The following ZFAND3 variants were observed in gnomAD, a reference collection of about 807,000 sequenced individuals.
ZFAND3 encodes AN1-type zinc finger protein 3.
A neutral mutation model predicts 29.6 loss-of-function variants in ZFAND3; 10 were observed. The ratio of observed to expected loss-of-function variants is 0.34; its 90% CI spans 0.21 to 0.57. The LOEUF (loss-of-function observed/expected upper bound fraction) is 0.57. Ranked by LOEUF, ZFAND3 falls within the 20% of genes least tolerant of loss-of-function variation. The probability of loss-of-function intolerance (pLI) is 0.86; values close to 1 mark genes in which losing one functional copy is unlikely to be tolerated. For missense variants in ZFAND3, 230 were observed against 304.5 expected, an observed-to-expected ratio of 0.76 and a Z score of 1.82; for synonymous variants, 128 against 112.6, an observed-to-expected ratio of 1.14 and a Z score of -0.87.
intron 1 of ZFAND3, among the ~76,000 whole-genome samples, chr6:37,888,629 A>T (rs1249206511): frequency 2.0e-5 from 3 of 152,140 alleles, no homozygotes; most frequent in African/African-American, 7.2e-5. Context: ...TCCAGATCAC[A>T]TTAGTTTATA....
intron 2 of ZFAND3, among the ~76,000 whole-genome samples, chr6:38,009,244 T>C (rs959611871): frequency 1.3e-5 from 2 of 152,198 alleles, no homozygotes; most frequent in Admixed American, 6.5e-5. Flanking sequence ...GTGTGTGATC[T>C]CTGATGCCAG....
At chr6:37,939,751 A>G (rs1405872832) in intron 2 of ZFAND3, among the ~76,000 whole-genome samples, 1 of 152,136 alleles carries the variant, frequency 6.6e-6, no homozygotes, top group Non-Finnish European at 1.5e-5. Context: ...AAAGTAGTAT[A>G]AGAGTTAAGG....
chr6:37,968,447 T>G (rs1033661269), intron 2 of ZFAND3, among the ~76,000 whole-genome samples: 10 of 151,040 alleles, frequency 6.6e-5, no homozygotes, highest in African/African-American at 2.4e-4. Flanking sequence ...TGACAGAGGA[T>G]CAGTAGGAAG....
chr6:37,919,606 G>T (rs1023792470), intron 1 of ZFAND3, among the ~76,000 whole-genome samples: 2 of 151,932 alleles, frequency 1.3e-5, no homozygotes, highest in Admixed American at 6.6e-5. Flanking sequence ...CAAGCCACAA[G>T]AATTCATTCA....
chr6:38,021,975 A>G (rs1763362655), intron 2 of ZFAND3, among the ~76,000 whole-genome samples: 1 of 152,228 alleles, frequency 6.6e-6, no homozygotes, highest in Non-Finnish European at 1.5e-5. Context: ...TTACAGTTTT[A>G]TTAGCACAAA....
At chr6:38,012,920 C>G (rs1028766922) in intron 2 of ZFAND3, among the ~76,000 whole-genome samples, 3 of 152,066 alleles carry the variant, frequency 2.0e-5, no homozygotes, top group African/African-American at 7.2e-5. Context: ...TATAAAACAT[C>G]TGGAGTAATC....
At chr6:38,082,142 G>GTT (rs771690113) in intron 3 of ZFAND3, among the ~76,000 whole-genome samples, 1,788 of 145,330 alleles carry the variant, frequency 0.012, 21 homozygotes, top group Middle Eastern at 0.018. Context: ...AGACTCGGCT[G>GTT]TTTTTTTTTT....
At chr6:37,956,933 GA>G (rs1762094344) in intron 2 of ZFAND3, among the ~76,000 whole-genome samples, 1 of 152,142 alleles carries the variant, frequency 6.6e-6, no homozygotes, top group Admixed American at 6.5e-5. Flanking sequence ...GGAGTGGACT[GA>G]TAATTGTCCA....
chr6:37,848,622 C>A (rs1208190436), intron 1 of ZFAND3, among the ~76,000 whole-genome samples: 1 of 152,178 alleles, frequency 6.6e-6, no homozygotes, highest in Non-Finnish European at 1.5e-5. Flanking sequence ...TTAGGAAATG[C>A]AGAAATAGAG....
intron 2 of ZFAND3, among the ~76,000 whole-genome samples, chr6:37,958,554 A>T (rs28385568): frequency 3.3e-5 from 5 of 152,062 alleles, no homozygotes; most frequent in African/African-American, 1.2e-4. Context: ...CCGTCACTCT[A>T]ATTAGCAATC....
chr6:37,830,359 G>C (rs1320354248), intron 1 of ZFAND3, among the ~76,000 whole-genome samples: 1 of 152,214 alleles, frequency 6.6e-6, no homozygotes, highest in Non-Finnish European at 1.5e-5. Context: ...ACTGTGAGAG[G>C]TGGTCTCATC....
intron 4 of ZFAND3, among the ~76,000 whole-genome samples, chr6:38,091,294 GT>G (rs35946762): frequency 2.2e-4 from 32 of 146,916 alleles, no homozygotes; most frequent in East Asian, 7.9e-4. Flanking sequence ...GTTACAGCTG[GT>G]TTTTTTTTTT....
In ZFAND3 at chr6:37,918,951, C is replaced by CTTTTTTTTTTTTTTTTTTTTT. The variant is rs66941014; in HGVS notation, c.72-10988_72-10987insTTTTTTTTTTTTTTTTTTTTT. 5.2e-4 allele frequency among the ~76,000 whole-genome samples: 54 copies of CTTTTTTTTTTTTTTTTTTTTT among 104,716 alleles called. 7 individuals are homozygous for CTTTTTTTTTTTTTTTTTTTTT. The highest frequency in any genetic ancestry group is 9.0e-4 in the African/African-American group (22 of 24,576). 68.7% of individuals were successfully genotyped at this position (104,716 alleles called of 152,430 possible). A position where few individuals can be genotyped will look rare whatever the true frequency, so the allele number is the denominator to read the frequency against. On this transcript the variant is annotated intron_variant, in intron 1 of 5. Coordinates refer to ENST00000287218, the MANE Select transcript of ZFAND3 (RefSeq NM_021943.3). ...TGTGTTTTCAAAACATGAAAAATGC[C>CTTTTTTTTTTTTTTTTTTTTT]TTTTTTTTTTTTTTTTTTTTGAGAC...
At chr6:37,900,358 CTT>C (rs1370129131) in intron 1 of ZFAND3, among the ~76,000 whole-genome samples, 2 of 152,138 alleles carry the variant, frequency 1.3e-5, no homozygotes, top group African/African-American at 4.8e-5. Flanking sequence ...ATTTTACTCT[CTT>C]GGAATAGGCT....
Position 38,150,516 on chromosome 6 carries a change from C to T in ZFAND3, c.530-1719C>T, listed in dbSNP as rs143278817. 2.6e-3 allele frequency among the ~76,000 whole-genome samples: 396 copies of T among 152,348 alleles called. 8 individuals carry two copies. The highest frequency in any genetic ancestry group is 0.024 in the Admixed American group (362 of 15,306). On this transcript the variant is annotated intron_variant, in intron 5 of 5. Coordinates refer to ENST00000287218, the MANE Select transcript of ZFAND3 (RefSeq NM_021943.3). ...GTCCCCAGCCATTGAGTACATCACA[C>T]ACTTTTCTTCCCTCAGGCTGAGGAA...
chr6:38,061,542 C>A (rs774828536), intron 2 of ZFAND3, 51 bp from the exon 3 acceptor site: 2 of 1,601,610 alleles, frequency 1.2e-6, no homozygotes, highest in African/African-American at 1.3e-5. Context: ...GTTTTCTAAT[C>A]CTCAGAGACT....
At chr6:38,033,516 T>A (rs552408624) in intron 2 of ZFAND3, among the ~76,000 whole-genome samples, 1 of 151,802 alleles carries the variant, frequency 6.6e-6, no homozygotes, top group African/African-American at 2.4e-5. Flanking sequence ...GCAGGCTGCT[T>A]TAACCAGGTA....
intron 1 of ZFAND3, among the ~76,000 whole-genome samples, chr6:37,898,975 A>C (rs1765268492): frequency 6.6e-6 from 1 of 152,144 alleles, no homozygotes; most frequent in East Asian, 1.9e-4. Flanking sequence ...GGCTCGCTGC[A>C]AGCTCTGCCT....
intron 2 of ZFAND3, among the ~76,000 whole-genome samples, chr6:37,977,915 TC>T (rs1762517070): frequency 7.0e-6 from 1 of 141,938 alleles, no homozygotes; most frequent in South Asian, 2.3e-4. Context: ...CTTCCTTTCT[TC>T]CTTTCTTCCG....
Sources: gnomAD v4.1 joint callset for allele counts (sites outside exome capture counted in the v4.1 genomes callset) on GRCh38, gnomAD v4.1.1 for gene constraint, MANE v1.5 for transcripts, NCBI Gene and HGNC (gene_info 2026-07-23, HGNC 2026-07-21) for gene names.